The following CAMSAP2 variants were observed in gnomAD, a reference collection of about 807,000 sequenced individuals.
CAMSAP2 encodes calmodulin regulated spectrin associated protein family member 2.
Under a neutral mutation model 146.1 loss-of-function variants are expected in CAMSAP2, and 26 were observed. The ratio of observed to expected loss-of-function variants is 0.18; its 90% CI spans 0.13 to 0.25. CAMSAP2 has a LOEUF of 0.25. CAMSAP2 is among the 10% of genes least tolerant of loss of function. The pLI is 1.00. For synonymous variants in CAMSAP2, 499 were observed against 596.6 expected (o/e 0.84, Z 2.38); for missense variants, 1,381 against 1,759.3 (o/e 0.78, Z 3.85).
chr1:200,850,329 C>A, intron 11 of CAMSAP2, 95 bp downstream of exon 11: 2 of 1,031,234 alleles, frequency 1.9e-6, no homozygotes, highest in Non-Finnish European at 2.8e-6. Context: ...TTGCTTCTTT[C>A]AGTAGCAGTC....
intron 2 of CAMSAP2, among the ~76,000 whole-genome samples, chr1:200,778,100 A>G (rs1288164110): frequency 1.3e-5 from 2 of 152,206 alleles, no homozygotes; most frequent in Non-Finnish European, 2.9e-5. Context: ...TCAAAAAACA[A>G]TTTTATATAG....
chr1:200,763,045 G>T (rs551698623), intron 2 of CAMSAP2, among the ~76,000 whole-genome samples: 3 of 152,102 alleles, frequency 2.0e-5, no homozygotes, highest in African/African-American at 7.2e-5. Flanking sequence ...GATTATAGGC[G>T]TGCATCACCA....
intron 15 of CAMSAP2, among the ~76,000 whole-genome samples, chr1:200,856,543 C>T (rs111645004): frequency 2.0e-4 from 30 of 152,178 alleles, no homozygotes; most frequent in Non-Finnish European, 3.7e-4. Context: ...CCTCACATAT[C>T]GCCACCAAGT....
rs147866762 is a variant in CAMSAP2, at chr1:200,849,002, C to T, written c.2233C>T (p.Leu745=). 540 of 1,614,106 alleles carry T rather than the reference C, an allele frequency of 3.3e-4. 1 individual carries two copies. The Middle Eastern group carries it at 6.3e-3, about 19-fold the overall frequency. ...TCCACAGGGACGGGACACTACCCAG[C>T]TGTTGGCCTCTGAAATGGTGCATCT... is the stretch of plus-strand genomic sequence containing the variant. ...GLPQGRDTTQ[L]LASEMVHLRM... Residue 745 remains leucine (L), a synonymous_variant, in exon 11 of 17, where the codon CTG becomes TTG. Transcript: ENST00000358823. The surrounding 1 kb of genome is among the most constrained non-coding windows in gnomAD (Gnocchi z 6.3).
chr1:200,791,121 A>G (rs988952678), intron 2 of CAMSAP2, among the ~76,000 whole-genome samples: 3 of 152,214 alleles, frequency 2.0e-5, no homozygotes, highest in Non-Finnish European at 4.4e-5. Flanking sequence ...CTGGGATTAC[A>G]GGCGTGAGCC....
At chr1:200,753,151 G>A (rs1447366786) in intron 1 of CAMSAP2, among the ~76,000 whole-genome samples, 1 of 151,840 alleles carries the variant, frequency 6.6e-6, no homozygotes, top group African/African-American at 2.4e-5. Context: ...TGTGCCTGTA[G>A]TTCCAGTTAC....
chr1:200,763,902 C>T (rs1451994626), intron 2 of CAMSAP2, among the ~76,000 whole-genome samples: 1 of 152,076 alleles, frequency 6.6e-6, no homozygotes, highest in Non-Finnish European at 1.5e-5. Context: ...GGCGAAACCC[C>T]ATCTCTACTA....
In CAMSAP2 at chr1:200,852,655, G is replaced by C; in HGVS notation, c.3580G>C (p.Glu1194Gln). 1 of 1,613,584 alleles carries C rather than the reference G, an allele frequency of 6.2e-7. No homozygotes were observed. Among genetic ancestry groups the C allele is most frequent in the Non-Finnish European group, 8.5e-7 (1 of 1,179,858 alleles). Residue 1194 changes from glutamate (E) to glutamine (Q), a missense_variant, in exon 12 of 17, where the codon GAG becomes CAG. Transcript: ENST00000358823. Reference sequence around the variant, plus strand: ...GAAACAACAGTTGGAAGCAGAAATGGAGCATAAGAAGGAGGAAACAAGGTA... The same window carrying C: ...GAAACAACAGTTGGAAGCAGAAATGCAGCATAAGAAGGAGGAAACAAGGTA... ...LRKQQLEAEMEHKKEETRRKT... is the reference protein window; with the variant it reads ...LRKQQLEAEMQHKKEETRRKT...
intron 2 of CAMSAP2, among the ~76,000 whole-genome samples, chr1:200,769,235 C>G (rs529267073): frequency 6.6e-6 from 1 of 152,096 alleles, no homozygotes; most frequent in East Asian, 1.9e-4. Context: ...TGGTAAATGA[C>G]AAAAACAAGT....
chr1:200,849,223 A>G lies in CAMSAP2; in HGVS notation c.2454A>G (p.Ala818=), dbSNP rs181927079. The G allele has an allele frequency of 6.2e-7, 1 of 1,613,942 alleles. No homozygotes were observed. The highest frequency in any genetic ancestry group is 8.5e-7 in the Non-Finnish European group (1 of 1,180,020). The change falls in exon 11 of 17, where the codon GCA becomes GCG. Residue 818 remains alanine (A), a synonymous_variant. Transcript: ENST00000358823. The surrounding 1 kb of genome is among the most constrained non-coding windows in gnomAD (Gnocchi z 6.3). ...ATGAGAAAGTATATACTGATCGAGC[A>G]AAAGAAAAGGAATCACAAAAAACTG... The part of the protein sequence containing the change: ...AEDEKVYTDR[A]KEKESQKTDG...
At chr1:200,788,516 C>G (rs1665657066) in intron 2 of CAMSAP2, among the ~76,000 whole-genome samples, 1 of 152,122 alleles carries the variant, frequency 6.6e-6, no homozygotes, top group Non-Finnish European at 1.5e-5. Flanking sequence ...ATGAAAGTTC[C>G]TGTTGTTCCA....
Position 200,842,097 on chromosome 1 carries a change from C to G in CAMSAP2, c.1021+10C>G. 3 of 1,601,486 alleles carry G rather than the reference C, an allele frequency of 1.9e-6. No homozygotes were observed. Among genetic ancestry groups the G allele is most frequent in the Non-Finnish European group, 1.7e-6 (2 of 1,168,946 alleles). On this transcript the variant is annotated intron_variant, in intron 7 of 16. Transcript: ENST00000358823. ...GTTCGTCCACAAGGAGGTAATCAAT[C>G]TTTTTAATTTTAAATGTTCCTATGA...
rs189237963 is a variant in CAMSAP2, at chr1:200,780,461, T to C, written c.399+19363T>C. Among the ~76,000 whole-genome samples the C allele has an allele frequency of 3.7e-4, 57 of 152,370 alleles. 2 individuals are homozygous for C. In the South Asian group the frequency reaches 0.011, roughly 28 times the overall value. ...GCTTAATTTGGGGGCAAGGAAATTC[T>C]AGCATACTTGTTCATATATTCAAAC... is the stretch of plus-strand genomic sequence containing the variant. On this transcript the variant is annotated intron_variant, in intron 2 of 16. Transcript: ENST00000358823.
chr1:200,760,860 A>G lies in CAMSAP2; in HGVS notation c.161A>G (p.Gln54Arg), dbSNP rs778106091. 5 of 1,589,688 alleles carry G rather than the reference A, an allele frequency of 3.1e-6. No homozygotes were observed. The African/African-American group carries it at 5.4e-5, about 17-fold the overall frequency. ...FGTENVPEEL[Q>R]EPFYTDQYDQ... Reference sequence around the variant, plus strand: ...ATAGAAAATGTGCCAGAGGAACTTCAAGAACCATTTTACACAGATCAGTAT... The same window carrying G: ...ATAGAAAATGTGCCAGAGGAACTTCGAGAACCATTTTACACAGATCAGTAT... Residue 54 changes from glutamine (Q) to arginine (R), a missense_variant, in exon 2 of 17, where the codon CAA (glutamine) becomes CGA (arginine). Physicochemically the swap from Gln to Arg is conservative, Grantham distance 43 (BLOSUM62 1). Around this residue, in one of 4 missense-constraint regions of CAMSAP2, gnomAD observed 284 missense variants for 406.9 expected, o/e 0.70. Transcript: ENST00000358823.
intron 2 of CAMSAP2, among the ~76,000 whole-genome samples, chr1:200,802,661 C>CT (rs1160081195): frequency 6.6e-6 from 1 of 152,042 alleles, no homozygotes; most frequent in African/African-American, 2.4e-5. Flanking sequence ...AGTCCAAAAA[C>CT]TAAGTTCATT....
chr1:200,832,239 C>T lies in CAMSAP2; in HGVS notation c.685C>T (p.Pro229Ser). The change falls in exon 5 of 17, where the codon CCT becomes TCT. Residue 229 changes from proline (P) to serine (S), a missense_variant. This residue lies in a region of CAMSAP2 where 284 missense variants were observed against 406.9 expected (regional missense o/e 0.70). Coordinates refer to ENST00000358823, the MANE Select transcript of CAMSAP2 (RefSeq NM_203459.4). The surrounding 1 kb of genome is among the most constrained non-coding windows in gnomAD (Gnocchi z 4.2). ...RKEQTLLKQL[P>S]CIPLVENLLK... ...AGAGCAAACATTGCTTAAGCAACTG[C>T]CTTGCATTCCATTGGTAGAAAATTT... 1 of 1,613,118 alleles carries T rather than the reference C, an allele frequency of 6.2e-7. No homozygotes were observed. The highest frequency in any genetic ancestry group is 8.5e-7 in the Non-Finnish European group (1 of 1,179,478).
At chr1:200,774,061 T>A (rs1021864878) in intron 2 of CAMSAP2, among the ~76,000 whole-genome samples, 20 of 152,192 alleles carry the variant, frequency 1.3e-4, no homozygotes, top group Admixed American at 7.2e-4. Context: ...TGGACAGTCA[T>A]GGCAGTTGTC....
At chr1:200,785,775 C>A (rs1265193005) in intron 2 of CAMSAP2, among the ~76,000 whole-genome samples, 1 of 151,940 alleles carries the variant, frequency 6.6e-6, no homozygotes, top group Non-Finnish European at 1.5e-5. Flanking sequence ...GCAACCTCTG[C>A]CTCCCAGGTT....
intron 1 of CAMSAP2, 130 bp from the exon 2 acceptor site, chr1:200,760,709 A>T: frequency 1.6e-6 from 1 of 606,764 alleles, no homozygotes; most frequent in Non-Finnish European, 2.6e-6. Flanking sequence ...TCATCTTTTC[A>T]GTTAAAGGGT....
Sources: gnomAD v4.1 joint callset for allele counts (sites outside exome capture counted in the v4.1 genomes callset) on GRCh38, gnomAD v4.1.1 for gene constraint, gnomAD v4.1.1 regional missense constraint, Gnocchi (gnomAD v3.1) non-coding constraint, MANE v1.5 for transcripts, NCBI Gene and HGNC (gene_info 2026-07-23, HGNC 2026-07-21) for gene names.